EGFR: variants seen among roughly 807,000 people sequenced by gnomAD.
The protein encoded by EGFR is epidermal growth factor receptor.
In EGFR, 58 loss-of-function variants were observed where a neutral mutation model predicts 143.0. That is an observed-to-expected ratio of 0.41 (90% confidence interval 0.33 to 0.50). EGFR has a LOEUF of 0.50. EGFR is among the 20% of genes least tolerant of loss of function. EGFR has a pLI of 0.39. For synonymous variants in EGFR, 613 were observed against 594.4 expected (o/e 1.03, Z -0.45); for missense variants, 1,307 against 1,579.0 (o/e 0.83, Z 2.92).
intron 15 of EGFR, chr7:55,170,440 C>T (rs2128950688): frequency 6.2e-7 from 1 of 1,614,104 alleles, no homozygotes; most frequent in East Asian, 2.2e-5. Flanking sequence ...AGGATGGATC[C>T]CTTCTCTTCT....
At chr7:55,202,902 CTGTG>C (rs747207837) in intron 27 of EGFR, 4 of 646,346 alleles carry the variant, frequency 6.2e-6, no homozygotes, top group Non-Finnish European at 1.1e-5. Context: ...ACATACACAT[CTGTG>C]TGTGTGAGTG....
chr7:55,166,520 C>G (rs1282075174), intron 15 of EGFR, among the ~76,000 whole-genome samples: 2 of 152,164 alleles, frequency 1.3e-5, no homozygotes, highest in Admixed American at 6.5e-5. Flanking sequence ...AAAATGGTGC[C>G]TGGAAAATGG....
At chr7:55,100,718 C>A (rs1303209770) in intron 1 of EGFR, among the ~76,000 whole-genome samples, 1 of 152,174 alleles carries the variant, frequency 6.6e-6, no homozygotes, top group South Asian at 2.1e-4. Context: ...TCCTGGGACA[C>A]GCAGACAGGA....
At chr7:55,152,525 G>A (rs1785209352) in intron 5 of EGFR, 21 bp from the exon 6 acceptor site, 1 of 1,607,492 alleles carries the variant, frequency 6.2e-7, no homozygotes. Context: ...CAGCTCACAG[G>A]GAACCTTTGC....
At chr7:55,125,941 C>T (rs981221826) in intron 1 of EGFR, among the ~76,000 whole-genome samples, 2 of 152,154 alleles carry the variant, frequency 1.3e-5, no homozygotes, top group African/African-American at 4.8e-5. Flanking sequence ...CAGCAGGAAC[C>T]TCTCCATCCC....
In EGFR at chr7:55,161,525, T is replaced by C. The variant is rs2128942752; in HGVS notation, c.1525T>C (p.Leu509=). The part of the protein sequence containing the change: ...CKATGQVCHA[L]CSPEGCWGPE... ...GGCCACAGGCCAGGTCTGCCATGCC[T>C]TGTGCTCCCCCGAGGGCTGCTGGGG... Residue 509 remains leucine (L), a synonymous_variant, in exon 13 of 28, where the codon TTG becomes CTG. Transcript: ENST00000275493. 1 of 1,614,220 alleles carries C rather than the reference T, an allele frequency of 6.2e-7. No individual in the cohort carries two copies. Among genetic ancestry groups the C allele is most frequent in the Non-Finnish European group, 8.5e-7 (1 of 1,180,054 alleles).
intron 1 of EGFR, among the ~76,000 whole-genome samples, chr7:55,119,768 T>A (rs1008497928): frequency 4.6e-5 from 7 of 152,200 alleles, no homozygotes; most frequent in Non-Finnish European, 8.8e-5. Flanking sequence ...GACCCATCCT[T>A]ATCAGTGTCT....
intron 1 of EGFR, among the ~76,000 whole-genome samples, chr7:55,028,378 T>G (rs1787056537): frequency 6.6e-6 from 1 of 152,200 alleles, no homozygotes; most frequent in Admixed American, 6.5e-5. Context: ...ATTATTTTAG[T>G]GCTGGAATAA....
Position 55,198,764 on chromosome 7 carries a change from G to A in EGFR, c.2749G>A (p.Gly917Arg), listed in dbSNP as rs775695605. ...LMTFGSKPYD[G>R]IPASEISSIL... ...GACCTTTGGATCCAAGCCATATGACGGAATCCCTGCCAGCGAGATCTCCTC... is the reference window on the plus strand; with the variant it reads ...GACCTTTGGATCCAAGCCATATGACAGAATCCCTGCCAGCGAGATCTCCTC... Residue 917 changes from glycine (G) to arginine (R), a missense_variant, in exon 23 of 28, where the codon GGA becomes AGA. This residue lies in a region of EGFR where 348 missense variants were observed against 451.5 expected (regional missense o/e 0.77). Transcript: ENST00000275493. 33 of 1,614,052 alleles carry A rather than the reference G, an allele frequency of 2.0e-5. No homozygotes were observed. The highest frequency in any genetic ancestry group is 1.1e-4 in the East Asian group (5 of 44,894).
chr7:55,147,663 C>T (rs969286395), intron 4 of EGFR, among the ~76,000 whole-genome samples: 2 of 152,206 alleles, frequency 1.3e-5, no homozygotes, highest in African/African-American at 4.8e-5. Flanking sequence ...TTGTAAGTTA[C>T]AATGTCAGTG....
chr7:55,136,570 TACAC>T (rs145853789), intron 1 of EGFR, among the ~76,000 whole-genome samples: 1 of 151,136 alleles, frequency 6.6e-6, no homozygotes, highest in African/African-American at 2.4e-5. Context: ...CACATATGTG[TACAC>T]ACACACACAC....
rs536551845 is a variant in EGFR, at chr7:55,150,494, A to T, written c.560-800A>T. On this transcript the variant is annotated intron_variant, in intron 4 of 27. Coordinates refer to ENST00000275493, the MANE Select transcript of EGFR (RefSeq NM_005228.5). ...CTGTTTGAAATCTAAATTCTTCCTG[A>T]CTGCAGGGGACCTCGGGACCCATGA... 4.7e-4 allele frequency among the ~76,000 whole-genome samples: 72 copies of T among 152,224 alleles called. 1 individual carries two copies. The highest frequency in any genetic ancestry group is 6.8e-3 in the Middle Eastern group (2 of 294).
intron 1 of EGFR, among the ~76,000 whole-genome samples, chr7:55,140,067 C>A (rs1794376374): frequency 6.6e-6 from 1 of 151,284 alleles, no homozygotes; most frequent in Admixed American, 6.6e-5. Flanking sequence ...TCATTTGGGG[C>A]TTATTTAGCA....
chr7:55,142,199 C>A (rs2128925959), intron 1 of EGFR, 87 bp from the exon 2 acceptor site: 1 of 1,544,614 alleles, frequency 6.5e-7, no homozygotes, highest in Non-Finnish European at 8.9e-7. Flanking sequence ...AACTGCTACC[C>A]TTAATACCTG....
chr7:55,201,039 C>A (rs1342776702), intron 24 of EGFR, 149 bp from the exon 25 acceptor site: 2 of 931,924 alleles, frequency 2.1e-6, no homozygotes, highest in Non-Finnish European at 3.4e-6. Context: ...GGGGAGGCAG[C>A]TATAATTTAG....
chr7:55,147,901 C>A (rs1198477297), intron 4 of EGFR, among the ~76,000 whole-genome samples: 1 of 152,198 alleles, frequency 6.6e-6, no homozygotes, highest in Non-Finnish European at 1.5e-5. Context: ...TTGTGTCTGG[C>A]TTATTTCACC....
At chr7:55,178,973 C>G (rs1786728137) in intron 19 of EGFR, among the ~76,000 whole-genome samples, 1 of 152,192 alleles carries the variant, frequency 6.6e-6, no homozygotes, top group South Asian at 2.1e-4. Context: ...CTGCCCTAGT[C>G]CCTGCTGGAA....
chr7:55,204,645 TACAC>T (rs753976564), intron 27 of EGFR, among the ~76,000 whole-genome samples: 2 of 67,954 alleles, frequency 2.9e-5, no homozygotes, highest in African/African-American at 1.3e-4. Flanking sequence ...CACACATACA[TACAC>T]ATACACACAC....
At chr7:55,192,017 G>T (rs1787418810) in intron 21 of EGFR, 143 bp downstream of exon 21, 2 of 1,281,132 alleles carry the variant, frequency 1.6e-6, no homozygotes, top group South Asian at 2.5e-5. Context: ...GCTGCTGGCA[G>T]CTGGGTCCAG....
Sources: allele counts gnomAD v4.1 joint callset (sites outside exome capture counted in the v4.1 genomes callset), GRCh38; gene constraint gnomAD v4.1.1; regional missense constraint gnomAD v4.1.1; transcripts MANE v1.5; gene names NCBI Gene and HGNC (gene_info 2026-07-23, HGNC 2026-07-21).